Variants in ADIPOR2 observed in about 807,000 individuals in gnomAD.
ADIPOR2 encodes adiponectin receptor protein 2.
Under a neutral mutation model 40.9 loss-of-function variants are expected in ADIPOR2, and 18 were observed. That is an observed-to-expected ratio of 0.44 (90% CI 0.30 to 0.65). ADIPOR2 has a LOEUF of 0.65. ADIPOR2 is among the 30% of genes least tolerant of loss of function. The pLI, the probability that ADIPOR2 is intolerant of heterozygous loss-of-function variation, is 0.09. For missense variants in ADIPOR2, 283 were observed against 479.2 expected (o/e 0.59, Z 3.82); for synonymous variants, 165 against 166.4 (o/e 0.99, Z 0.06).
chr12:1,761,036 T>C (rs1862257108), intron 2 of ADIPOR2: 1 of 151,978 alleles, frequency 6.6e-6, no homozygotes, highest in African/African-American at 2.4e-5. Flanking sequence ...TTCACATAAC[T>C]TTTTTTTACA....
intron 1 of ADIPOR2, among the ~76,000 whole-genome samples, chr12:1,706,196 G>A (rs1371216597): frequency 4.1e-5 from 2 of 48,560 alleles, no homozygotes; most frequent in Non-Finnish European, 5.8e-5. Flanking sequence ...AGATTATCCA[G>A]AAAGTTTACC....
At chr12:1,756,529 A>AAT (rs1555170370) in intron 2 of ADIPOR2, among the ~76,000 whole-genome samples, 6 of 151,728 alleles carry the variant, frequency 4.0e-5, no homozygotes, top group Non-Finnish European at 7.4e-5. Flanking sequence ...GGAAGAGTGA[A>AAT]ATGAGATAAG....
chr12:1,731,296 A>G (rs1052103123), intron 1 of ADIPOR2, among the ~76,000 whole-genome samples: 5 of 152,196 alleles, frequency 3.3e-5, no homozygotes, highest in Non-Finnish European at 7.3e-5. Flanking sequence ...TCAGCCTCCC[A>G]AAGTTCTGGG....
intron 1 of ADIPOR2, among the ~76,000 whole-genome samples, chr12:1,747,207 T>C (rs1411736331): frequency 6.6e-6 from 1 of 152,224 alleles, no homozygotes; most frequent in East Asian, 1.9e-4. Context: ...GACCATATAC[T>C]ATGCCATAAA....
At chr12:1,709,415 A>G (rs1592577098) in intron 1 of ADIPOR2, among the ~76,000 whole-genome samples, 1 of 152,184 alleles carries the variant, frequency 6.6e-6, no homozygotes, top group Non-Finnish European at 1.5e-5. Flanking sequence ...TATGTAGATT[A>G]CAATTGATTG....
intron 1 of ADIPOR2, among the ~76,000 whole-genome samples, chr12:1,708,060 TAA>T (rs1363423186): frequency 1.3e-5 from 2 of 151,778 alleles, no homozygotes; most frequent in African/African-American, 4.8e-5. Flanking sequence ...AATATGCGAA[TAA>T]AAAATAATAC....
At chr12:1,748,198 G>A in intron 1 of ADIPOR2, among the ~76,000 whole-genome samples, 1 of 151,416 alleles carries the variant, frequency 6.6e-6, no homozygotes, top group Non-Finnish European at 1.5e-5. Flanking sequence ...TCTCTTCATT[G>A]ATCTCTATCT....
intron 1 of ADIPOR2, among the ~76,000 whole-genome samples, chr12:1,691,665 GGAA>G (rs1228109230): frequency 2.6e-5 from 4 of 152,218 alleles, no homozygotes; most frequent in Non-Finnish European, 5.9e-5. Context: ...ACTGGGGTGG[GGAA>G]GAGTTCCCTC....
intron 1 of ADIPOR2, among the ~76,000 whole-genome samples, chr12:1,694,478 C>T (rs2094633850): frequency 6.6e-6 from 1 of 152,038 alleles, no homozygotes; most frequent in Admixed American, 6.6e-5. Context: ...ACTTATAATA[C>T]CTAATAGAAT....
At chr12:1,781,451 G>C (rs1305248840) in intron 6 of ADIPOR2, among the ~76,000 whole-genome samples, 4 of 151,864 alleles carry the variant, frequency 2.6e-5, no homozygotes, top group Non-Finnish European at 5.9e-5. Flanking sequence ...TTCTTTTTTT[G>C]TTGTCATTTT....
At chr12:1,711,619 TC>T (rs2094677119) in intron 1 of ADIPOR2, among the ~76,000 whole-genome samples, 1 of 2,266 alleles carries the variant, frequency 4.4e-4, no homozygotes, top group East Asian at 0.038. Flanking sequence ...TCTTCCTCTC[TC>T]TCTCTCTCTC....
intron 1 of ADIPOR2, among the ~76,000 whole-genome samples, chr12:1,743,339 T>G (rs1163884310): frequency 6.9e-6 from 1 of 145,718 alleles, no homozygotes; most frequent in Non-Finnish European, 1.5e-5. Flanking sequence ...AGAAATTCTA[T>G]GAGTCTTAAA....
At chr12:1,711,750 T>C (rs1435252793) in intron 1 of ADIPOR2, among the ~76,000 whole-genome samples, 1 of 151,940 alleles carries the variant, frequency 6.6e-6, no homozygotes, top group Non-Finnish European at 1.5e-5. Context: ...TGCTGGTCTT[T>C]CCCTGCCTCT....
At chr12:1,691,363 C>T (rs1415870556) in intron 1 of ADIPOR2, 172 bp downstream of exon 1, 1 of 152,422 alleles carries the variant, frequency 6.6e-6, no homozygotes. Context: ...CTAACTCTGA[C>T]CTGCCGCCCG....
In ADIPOR2 at chr12:1,719,694, T is replaced by G. The variant is rs77119936; in HGVS notation, c.-87+28503T>G. 2.0e-5 allele frequency among the ~76,000 whole-genome samples: 3 copies of G among 151,552 alleles called. No homozygotes were observed. In the South Asian group the frequency reaches 6.2e-4, roughly 31 times the overall value. ...TTTGTTTTCATCTTTTTTTTTTTTT[T>G]GGAGATAGTCTTGCTCTGTCCCCAG... On this transcript the variant is annotated intron_variant, in intron 1 of 7. Transcript: ENST00000357103.
At position 1,777,938 on chromosome 12, in the gene ADIPOR2, C is replaced by T. The variant is rs760978418; in HGVS notation, c.376C>T (p.Arg126Trp). Reference sequence around the variant, plus strand: ...TAATGACTTCCTCTTGCATGGACACCGGCCTCCTATGCCTTCTTTCCGGGC... The same window carrying T: ...TAATGACTTCCTCTTGCATGGACACTGGCCTCCTATGCCTTCTTTCCGGGC... Reference protein sequence around the residue: ...KDNDFLLHGHRPPMPSFRACF... With the variant: ...KDNDFLLHGHWPPMPSFRACF... The change falls in exon 4 of 8, where the codon CGG (arginine) becomes TGG (tryptophan). Residue 126 changes from arginine (R) to tryptophan (W), a missense_variant. By Grantham distance (101) the Arg-to-Trp change is moderately radical. Coordinates refer to ENST00000357103, the MANE Select transcript of ADIPOR2 (RefSeq NM_024551.3). 3.7e-6 allele frequency: 6 copies of T among 1,613,858 alleles called. No individual in the cohort carries two copies. The highest frequency in any genetic ancestry group is 1.3e-5 in the African/African-American group (1 of 74,870).
chr12:1,747,910 C>T (rs1592607801), intron 1 of ADIPOR2, among the ~76,000 whole-genome samples: 1 of 151,900 alleles, frequency 6.6e-6, no homozygotes, highest in Non-Finnish European at 1.5e-5. Context: ...GATGTCCTTG[C>T]CTTTCTCTGA....
At position 1,784,021 on chromosome 12, in the gene ADIPOR2, T is replaced by C; in HGVS notation, c.980T>C (p.Leu327Pro). 2 of 1,610,904 alleles carry C rather than the reference T, an allele frequency of 1.2e-6. No individual in the cohort carries two copies. The highest frequency in any genetic ancestry group is 1.7e-6 in the Non-Finnish European group (2 of 1,178,262). ...AGCCTCTACATCACAGGAGCTGCCC[T>C]GTATGCTGCCCGGATCCCCGAACGC... ...MASLYITGAA[L>P]YAARIPERFF... is the part of the protein sequence containing the mutation. The change falls in exon 7 of 8, where the codon CTG becomes CCG. Residue 327 changes from leucine (L) to proline (P), a missense_variant. By Grantham distance (98) the Leu-to-Pro change is moderately conservative. Transcript: ENST00000357103.
chr12:1,692,340 A>G (rs1311292026), intron 1 of ADIPOR2, among the ~76,000 whole-genome samples: 1 of 152,178 alleles, frequency 6.6e-6, no homozygotes, highest in Non-Finnish European at 1.5e-5. Flanking sequence ...ACTCTTAGGT[A>G]ATTCCTAGAT....
Sources: allele counts gnomAD v4.1 joint callset (sites outside exome capture counted in the v4.1 genomes callset), GRCh38; gene constraint gnomAD v4.1.1; transcripts MANE v1.5; gene names NCBI Gene and HGNC (gene_info 2026-07-23, HGNC 2026-07-21).